Variants in LRBA observed in about 807,000 individuals in gnomAD.
LRBA encodes the protein LPS responsive beige-like anchor protein.
In LRBA, 176 loss-of-function variants were observed where a neutral mutation model predicts 330.0. That is an observed-to-expected ratio of 0.53 (90% CI 0.47 to 0.60). The LOEUF (loss-of-function observed/expected upper bound fraction) is 0.60, where lower values mean the gene tolerates loss of function less well. Among genes scored for constraint, LRBA ranks in the 20% least tolerant of loss-of-function variants. LRBA has a pLI of 0.00. For synonymous variants in LRBA, 1,230 were observed against 1,193.0 expected (o/e 1.03, Z -0.64); for missense variants, 3,259 against 3,444.8 (o/e 0.95, Z 1.35).
intron 17 of LRBA, among the ~76,000 whole-genome samples, chr4:150,885,100 T>C (rs958112020): frequency 6.7e-6 from 1 of 149,764 alleles, no homozygotes; most frequent in African/African-American, 2.5e-5. Flanking sequence ...ATATAAATTA[T>C]ATAGTCTAAA....
intron 5 of LRBA, among the ~76,000 whole-genome samples, chr4:150,918,481 G>A (rs1460873198): frequency 6.6e-6 from 1 of 152,196 alleles, no homozygotes; most frequent in Admixed American, 6.5e-5. Context: ...GGGCACGGTG[G>A]CTCACGCCTA....
rs183254728 is a variant in LRBA, at chr4:150,349,810, T to G, written c.7362+182A>C. Reference sequence around the variant, plus strand: ...TCTTATATTGGGTCAAACATTTTGTTGGAAGGAACCTCTGGGTTCAAGTTC... The same window carrying G: ...TCTTATATTGGGTCAAACATTTTGTGGGAAGGAACCTCTGGGTTCAAGTTC... On this transcript the variant is annotated intron_variant, in intron 48 of 56. Coordinates refer to ENST00000651943, the MANE Select transcript of LRBA (RefSeq NM_001364905.1). Among the ~76,000 whole-genome samples the G allele has an allele frequency of 1.2e-4, 19 of 152,346 alleles. 1 individual carries two copies. The East Asian group carries it at 3.7e-3, about 29-fold the overall frequency.
At chr4:150,300,778 C>T (rs981920429) in intron 53 of LRBA, among the ~76,000 whole-genome samples, 10 of 152,018 alleles carry the variant, frequency 6.6e-5, no homozygotes, top group Non-Finnish European at 1.2e-4. Flanking sequence ...TCTTCCTTTG[C>T]GAAGAGCTGA....
intron 47 of LRBA, among the ~76,000 whole-genome samples, chr4:150,374,792 T>C (rs1740985679): frequency 6.6e-6 from 1 of 152,146 alleles, no homozygotes. Flanking sequence ...CTGGTACATA[T>C]AACATATCAA....
At chr4:150,591,371 C>G (rs1772807025) in intron 38 of LRBA, among the ~76,000 whole-genome samples, 1 of 152,186 alleles carries the variant, frequency 6.6e-6, no homozygotes. Flanking sequence ...GGCCCAGATA[C>G]TGAAGCCATA....
chr4:150,610,959 C>T (rs551714677), intron 37 of LRBA, among the ~76,000 whole-genome samples: 60 of 152,204 alleles, frequency 3.9e-4, no homozygotes, highest in Non-Finnish European at 5.0e-4. Context: ...TTTACTGCTG[C>T]TATGTTTTCA....
intron 40 of LRBA, among the ~76,000 whole-genome samples, chr4:150,586,269 A>C (rs1772098981): frequency 1.3e-5 from 2 of 152,182 alleles, no homozygotes; most frequent in African/African-American, 4.8e-5. Flanking sequence ...CACTCACAAA[A>C]GTATTTACAG....
intron 47 of LRBA, among the ~76,000 whole-genome samples, chr4:150,376,209 T>C (rs1335888497): frequency 6.6e-6 from 1 of 152,140 alleles, no homozygotes; most frequent in Non-Finnish European, 1.5e-5. Flanking sequence ...AGGCTAGAAA[T>C]ACAGATTTGG....
intron 46 of LRBA, among the ~76,000 whole-genome samples, chr4:150,417,918 T>C (rs1048477416): frequency 1.3e-5 from 2 of 152,154 alleles, no homozygotes; most frequent in Non-Finnish European, 2.9e-5. Flanking sequence ...TATATTTGTC[T>C]GTATCTTCTA....
At chr4:150,512,462 A>G (rs1383686991) in intron 40 of LRBA, among the ~76,000 whole-genome samples, 1 of 152,150 alleles carries the variant, frequency 6.6e-6, no homozygotes, top group East Asian at 1.9e-4. Context: ...GGAGGTGAAC[A>G]AGTACTTAGA....
Position 150,812,773 on chromosome 4 carries a change from C to T in LRBA, c.5305+4351G>A, listed in dbSNP as rs114425999. ...TTACTAAATTTTGCAAAATAGCAAACACCAGGCATATAAATTAGTGAACAG... is the reference window on the plus strand; with the variant it reads ...TTACTAAATTTTGCAAAATAGCAAATACCAGGCATATAAATTAGTGAACAG... On this transcript the variant is annotated intron_variant, in intron 31 of 56. Coordinates refer to ENST00000651943, the MANE Select transcript of LRBA (RefSeq NM_001364905.1). 4.5e-3 allele frequency among the ~76,000 whole-genome samples: 680 copies of T among 152,194 alleles called. 4 individuals carry two copies. Among genetic ancestry groups the T allele is most frequent in the African/African-American group, 0.016 (658 of 41,528 alleles).
chr4:150,350,025 A>C lies in LRBA; in HGVS notation c.7329T>G (p.Asn2443Lys). The part of the protein sequence containing the change: ...FYYLTYEGAV[N>K]LNSITDPVLR... ...ACACAGGATCAGTTATTGAATTCAG[A>C]TTGACAGCTCCTTCATAGGTCAAGT... The change falls in exon 48 of 57, where the codon AAT becomes AAG. Residue 2443 changes from asparagine (N) to lysine (K), a missense_variant. Physicochemically the swap from Asn to Lys is moderately conservative, Grantham distance 94 (BLOSUM62 0). Transcript: ENST00000651943. 2 of 1,613,766 alleles carry C rather than the reference A, an allele frequency of 1.2e-6. No homozygotes were observed. Among genetic ancestry groups the C allele is most frequent in the East Asian group, 4.5e-5 (2 of 44,814 alleles).
At chr4:150,820,371 G>A (rs1054021999) in intron 30 of LRBA, among the ~76,000 whole-genome samples, 1 of 151,494 alleles carries the variant, frequency 6.6e-6, no homozygotes, top group African/African-American at 2.4e-5. Context: ...AGAGATTTTT[G>A]GTATGCTCAC....
chr4:150,600,579 T>C (rs886939663), intron 37 of LRBA, among the ~76,000 whole-genome samples: 1 of 151,710 alleles, frequency 6.6e-6, no homozygotes, highest in African/African-American at 2.4e-5. Context: ...TTGGGTGATT[T>C]TGGTCAGGAG....
At chr4:150,683,981 G>T (rs1783285029) in intron 36 of LRBA, 1 of 306,166 alleles carries the variant, frequency 3.3e-6, no homozygotes, top group East Asian at 5.7e-5. Context: ...AGACAGTCTT[G>T]TAAGAAGCAG....
intron 13 of LRBA, 129 bp from the exon 14 acceptor site, chr4:150,900,346 T>A: frequency 1.7e-6 from 1 of 605,890 alleles, no homozygotes; most frequent in Non-Finnish European, 2.8e-6. Flanking sequence ...GATAATAATA[T>A]CCATATTAGA....
chr4:150,835,453 C>T (rs1747887210), intron 28 of LRBA, among the ~76,000 whole-genome samples: 1 of 152,216 alleles, frequency 6.6e-6, no homozygotes, highest in East Asian at 1.9e-4. Context: ...AATGTTTTTC[C>T]ATTTGTTTGT....
chr4:150,503,752 G>C (rs2152120807), intron 40 of LRBA, among the ~76,000 whole-genome samples: 1 of 152,312 alleles, frequency 6.6e-6, no homozygotes, highest in East Asian at 1.9e-4. Flanking sequence ...GAATGACTTT[G>C]ACGAGTTGAG....
At chr4:150,308,667 G>A (rs973196262) in intron 52 of LRBA, among the ~76,000 whole-genome samples, 3 of 152,118 alleles carry the variant, frequency 2.0e-5, no homozygotes, top group Admixed American at 6.6e-5. Context: ...GGAGGTGGAA[G>A]ACAGTGATAT....
Sources: allele counts gnomAD v4.1 joint callset (sites outside exome capture counted in the v4.1 genomes callset), GRCh38; gene constraint gnomAD v4.1.1; transcripts MANE v1.5; gene names NCBI Gene and HGNC (gene_info 2026-07-23, HGNC 2026-07-21).